The following CCDC85A variants were observed in gnomAD, a reference collection of about 807,000 sequenced individuals.
The protein encoded by CCDC85A is coiled-coil domain-containing protein 85A.
In CCDC85A, 38 loss-of-function variants were observed where a neutral mutation model predicts 50.2. The observed-to-expected ratio is 0.76, with a 90% CI of 0.58 to 0.99. The LOEUF (loss-of-function observed/expected upper bound fraction) is 0.99, where lower values mean the gene tolerates loss of function less well. CCDC85A is among the 50% of genes least tolerant of loss of function. The pLI, the probability that CCDC85A is intolerant of heterozygous loss-of-function variation, is 0.00. For synonymous variants in CCDC85A, 366 were observed against 301.4 expected, an observed-to-expected ratio of 1.21 and a Z score of -2.22; for missense variants, 820 against 742.0, an observed-to-expected ratio of 1.11 and a Z score of -1.22.
chr2:56,311,756 G>A (rs1023056106), intron 2 of CCDC85A, among the ~76,000 whole-genome samples: 1 of 152,098 alleles, frequency 6.6e-6, no homozygotes, highest in Non-Finnish European at 1.5e-5. Context: ...TTTTGCAGAT[G>A]TAAAACCTGC....
chr2:56,357,655 C>CTTTTTTTTTT lies in CCDC85A; in HGVS notation c.1318-14682_1318-14673dup, dbSNP rs67738219. ...TCATGGAAGGGATAGTGTCCATTTCCTTTTTTTTTTTTTTTTGCTATGTTC... is the reference window on the plus strand; with the variant it reads ...TCATGGAAGGGATAGTGTCCATTTCCTTTTTTTTTTTTTTTTTTTTTTTTTTGCTATGTTC... On this transcript the variant is annotated intron_variant, in intron 3 of 5. Coordinates refer to ENST00000407595, the MANE Select transcript of CCDC85A (RefSeq NM_001080433.2). 1.8e-4 allele frequency among the ~76,000 whole-genome samples: 21 copies of CTTTTTTTTTT among 114,574 alleles called. 2 individuals carry two copies. The highest frequency in any genetic ancestry group is 5.7e-3 in the Middle Eastern group (1 of 176). 75.2% of individuals were successfully genotyped at this position (114,574 alleles called of 152,430 possible). A position where few individuals can be genotyped will look rare whatever the true frequency, so the allele number is the denominator to read the frequency against.
chr2:56,280,856 A>G (rs991243358), intron 2 of CCDC85A, among the ~76,000 whole-genome samples: 6 of 152,240 alleles, frequency 3.9e-5, no homozygotes, highest in Non-Finnish European at 8.8e-5. Context: ...AGTTTCACTC[A>G]TAAAGTAAAC....
chr2:56,340,689 A>G (rs894582237), intron 2 of CCDC85A, among the ~76,000 whole-genome samples: 8 of 151,986 alleles, frequency 5.3e-5, no homozygotes, highest in African/African-American at 1.9e-4. Flanking sequence ...CAGCCTGACC[A>G]ACATGGAGAA....
chr2:56,184,086 G>T lies in CCDC85A; in HGVS notation c.-539G>T. 1 of 985,358 alleles carries T rather than the reference G, an allele frequency of 1.0e-6. No homozygotes were observed. Among genetic ancestry groups the T allele is most frequent in the Non-Finnish European group, 1.2e-6 (1 of 829,984 alleles). 61.0% of individuals were successfully genotyped at this position (985,358 alleles called of 1,614,324 possible). On this transcript the variant is annotated 5_prime_UTR_variant, in exon 1 of 6. Coordinates refer to ENST00000407595, the MANE Select transcript of CCDC85A (RefSeq NM_001080433.2). The stretch of plus-strand genomic sequence containing the variant: ...CGGCAGGAGGAGCGCAGCAGCCTTC[G>T]GGCAGCCGCGGCGGCGTCGCTAGAG...
At position 56,288,851 on chromosome 2, in the gene CCDC85A, A is replaced by T. The variant is rs13399237; in HGVS notation, c.1241-54028A>T. Among the ~76,000 whole-genome samples, 1,127 of 152,282 alleles carry T rather than the reference A, an allele frequency of 7.4e-3. 8 individuals are homozygous for T. The highest frequency in any genetic ancestry group is 0.026 in the African/African-American group (1,081 of 41,544). ...AATGTGTAATTTGGTGTCTACATTA[A>T]TGGTTCACATGACTTGTGTTGCGGG... On this transcript the variant is annotated intron_variant, in intron 2 of 5. Coordinates refer to ENST00000407595, the MANE Select transcript of CCDC85A (RefSeq NM_001080433.2).
chr2:56,351,574 G>T (rs1397380044), intron 3 of CCDC85A, among the ~76,000 whole-genome samples: 2 of 142,316 alleles, frequency 1.4e-5, no homozygotes, highest in Non-Finnish European at 3.0e-5. Flanking sequence ...TCTCATTGTG[G>T]TTTTGATTTG....
chr2:56,222,318 G>T (rs1031768378), intron 2 of CCDC85A, among the ~76,000 whole-genome samples: 27 of 151,950 alleles, frequency 1.8e-4, no homozygotes, highest in Non-Finnish European at 1.6e-4. Flanking sequence ...AATTGACATT[G>T]TACATATTTA....
intron 2 of CCDC85A, among the ~76,000 whole-genome samples, chr2:56,283,465 T>G (rs1347577668): frequency 6.6e-6 from 1 of 152,208 alleles, no homozygotes; most frequent in Non-Finnish European, 1.5e-5. Context: ...CACTTGGTTA[T>G]GAAAGTTTCT....
chr2:56,191,070 A>T (rs1371528186), intron 1 of CCDC85A, among the ~76,000 whole-genome samples: 1 of 152,106 alleles, frequency 6.6e-6, no homozygotes, highest in Non-Finnish European at 1.5e-5. Flanking sequence ...TCTTGCTCTC[A>T]TGCTGGTCTT....
intron 2 of CCDC85A, 109 bp from the exon 3 acceptor site, chr2:56,342,770 C>A: frequency 1.8e-6 from 1 of 562,136 alleles, no homozygotes. Flanking sequence ...TTTTAAATAA[C>A]AGACTAAATA....
Position 56,184,589 on chromosome 2 carries a change from C to A in CCDC85A, c.-36C>A. 1 of 1,386,216 alleles carries A rather than the reference C, an allele frequency of 7.2e-7. No individual in the cohort carries two copies. Among genetic ancestry groups the A allele is most frequent in the South Asian group, 1.7e-5 (1 of 59,970 alleles). 85.9% of individuals were successfully genotyped at this position (1,386,216 alleles called of 1,614,324 possible). The stretch of plus-strand genomic sequence containing the variant: ...CGCGCCTTCGGGAGTCGCCTCGCCT[C>A]TTCCACCCACTTGCACCTGCCACCC... On this transcript the variant is annotated 5_prime_UTR_variant, in exon 1 of 6. Coordinates refer to ENST00000407595, the MANE Select transcript of CCDC85A (RefSeq NM_001080433.2).
intron 5 of CCDC85A, among the ~76,000 whole-genome samples, chr2:56,377,896 A>AT (rs927680669): frequency 7.2e-5 from 11 of 151,910 alleles, no homozygotes; most frequent in Non-Finnish European, 8.8e-5. Flanking sequence ...TCAAAAAAAA[A>AT]AAAAAAAGAT....
intron 1 of CCDC85A, among the ~76,000 whole-genome samples, chr2:56,191,748 A>G (rs1021888808): frequency 1.3e-5 from 2 of 152,126 alleles, no homozygotes; most frequent in Admixed American, 1.3e-4. Context: ...GATGCCTGGG[A>G]GATGTTCAGG....
chr2:56,247,616 A>G (rs1669568329), intron 2 of CCDC85A, among the ~76,000 whole-genome samples: 1 of 152,210 alleles, frequency 6.6e-6, no homozygotes, highest in Non-Finnish European at 1.5e-5. Flanking sequence ...ACTATGTCTT[A>G]TTTTGAAGGC....
chr2:56,234,099 A>G (rs769944307), intron 2 of CCDC85A, among the ~76,000 whole-genome samples: 10 of 152,206 alleles, frequency 6.6e-5, no homozygotes, highest in Non-Finnish European at 1.5e-5. Context: ...ATTTCTTGGT[A>G]TTATTCCTCA....
At chr2:56,277,175 C>T (rs552522781) in intron 2 of CCDC85A, among the ~76,000 whole-genome samples, 1 of 152,280 alleles carries the variant, frequency 6.6e-6, no homozygotes, top group African/African-American at 2.4e-5. Context: ...AAGTTGCCAA[C>T]TTCCTTGATG....
In CCDC85A at chr2:56,192,934, G is replaced by C; in HGVS notation, c.734G>C (p.Ser245Thr). 1 of 1,613,092 alleles carries C rather than the reference G, an allele frequency of 6.2e-7. No individual in the cohort carries two copies. Among genetic ancestry groups the C allele is most frequent in the African/African-American group, 1.3e-5 (1 of 74,838 alleles). Residue 245 changes from serine to threonine, a missense_variant, in exon 2 of 6, where the codon AGC becomes ACC. Transcript: ENST00000407595. This position sits in a 1 kb window ranked among gnomAD's most constrained non-coding sequence, Gnocchi z 4.7. ...EHLQKPRSEG[S>T]PEHSKHRSAS... Reference sequence around the variant, plus strand: ...CTGCAGAAGCCCCGGAGCGAGGGCAGCCCGGAGCACTCCAAGCACAGGAGC... The same window carrying C: ...CTGCAGAAGCCCCGGAGCGAGGGCACCCCGGAGCACTCCAAGCACAGGAGC...
At chr2:56,229,672 C>G (rs1247886968) in intron 2 of CCDC85A, among the ~76,000 whole-genome samples, 1 of 152,014 alleles carries the variant, frequency 6.6e-6, no homozygotes, top group Admixed American at 6.6e-5. Flanking sequence ...GTCTATTTGT[C>G]TTTAAAGATA....
intron 2 of CCDC85A, among the ~76,000 whole-genome samples, chr2:56,311,462 T>C (rs1415199818): frequency 6.6e-6 from 1 of 152,094 alleles, no homozygotes. Flanking sequence ...TCGTTGTTTT[T>C]TTTTTTAATT....
Sources: gnomAD v4.1 joint callset for allele counts (sites outside exome capture counted in the v4.1 genomes callset) on GRCh38, gnomAD v4.1.1 for gene constraint, Gnocchi (gnomAD v3.1) non-coding constraint, MANE v1.5 for transcripts, NCBI Gene and HGNC (gene_info 2026-07-23, HGNC 2026-07-21) for gene names.